ZBTB38: variants seen among roughly 807,000 people sequenced by gnomAD.
The protein encoded by ZBTB38 is zinc finger and BTB domain-containing protein 38.
In ZBTB38, 20 loss-of-function variants were observed where a neutral mutation model predicts 76.8. The observed-to-expected ratio is 0.26, with a 90% confidence interval of 0.18 to 0.38. The LOEUF (loss-of-function observed/expected upper bound fraction) is 0.38. Among genes scored for constraint, ZBTB38 ranks in the 10% least tolerant of loss-of-function variants. The pLI, the probability that ZBTB38 is intolerant of heterozygous loss-of-function variation, is 1.00. For missense variants in ZBTB38, 1,082 were observed against 1,482.3 expected (o/e 0.73, Z 4.43); for synonymous variants, 504 against 544.2 (o/e 0.93, Z 1.03).
chr3:141,396,540 G>C, intron 4 of ZBTB38: 1 of 177,474 alleles, frequency 5.6e-6, no homozygotes, highest in Non-Finnish European at 1.2e-5. Flanking sequence ...CATTAATCAT[G>C]AATGTTCTTA....
chr3:141,408,705 TTA>T (rs1397146840), intron 5 of ZBTB38, among the ~76,000 whole-genome samples: 1 of 152,230 alleles, frequency 6.6e-6, no homozygotes, highest in African/African-American at 2.4e-5. Context: ...GAATTGCTCT[TTA>T]TGTTCTCTAT....
intron 5 of ZBTB38, among the ~76,000 whole-genome samples, chr3:141,440,344 A>G (rs1577501216): frequency 2.0e-5 from 3 of 152,362 alleles, no homozygotes; most frequent in Admixed American, 2.0e-4. Flanking sequence ...GACTGGATAC[A>G]ATAAAAGAAT....
At chr3:141,340,977 A>G (rs1296001101) in intron 1 of ZBTB38, among the ~76,000 whole-genome samples, 40 of 126,130 alleles carry the variant, frequency 3.2e-4, no homozygotes, top group Non-Finnish European at 3.8e-4. Context: ...AAAGAAAGAA[A>G]GAAAGAAAGA....
intron 1 of ZBTB38, among the ~76,000 whole-genome samples, chr3:141,338,663 G>A (rs1230837755): frequency 6.6e-6 from 1 of 152,182 alleles, no homozygotes; most frequent in Non-Finnish European, 1.5e-5. Flanking sequence ...GGTAGGAGAA[G>A]GGTGAGGGTC....
At chr3:141,338,430 G>A (rs1020272310) in intron 1 of ZBTB38, among the ~76,000 whole-genome samples, 2 of 152,362 alleles carry the variant, frequency 1.3e-5, no homozygotes, top group African/African-American at 2.4e-5. Flanking sequence ...TAAAGAAAAT[G>A]TGGTACATAG....
chr3:141,356,514 T>A (rs968290730), intron 1 of ZBTB38, among the ~76,000 whole-genome samples: 1 of 152,108 alleles, frequency 6.6e-6, no homozygotes, highest in African/African-American at 2.4e-5. Context: ...ACTGACACAA[T>A]TCTGTACTAC....
At chr3:141,421,906 C>G (rs1197784951) in intron 5 of ZBTB38, among the ~76,000 whole-genome samples, 2 of 152,214 alleles carry the variant, frequency 1.3e-5, no homozygotes, top group Non-Finnish European at 2.9e-5. Flanking sequence ...GACCCAGGAG[C>G]ATTTCCTTGA....
At chr3:141,381,676 G>A (rs1032018408) in intron 3 of ZBTB38, among the ~76,000 whole-genome samples, 189 bp downstream of exon 3, 2 of 152,208 alleles carry the variant, frequency 1.3e-5, no homozygotes, top group Non-Finnish European at 2.9e-5. Context: ...GTAGGGTGGA[G>A]CTGGTGGATT....
intron 2 of ZBTB38, among the ~76,000 whole-genome samples, chr3:141,371,201 C>T (rs566091077): frequency 6.6e-6 from 1 of 151,670 alleles, no homozygotes; most frequent in Non-Finnish European, 1.5e-5. Flanking sequence ...TGCAGGCACG[C>T]ACCACCACAC....
intron 1 of ZBTB38, among the ~76,000 whole-genome samples, chr3:141,345,019 G>A (rs1943306066): frequency 6.6e-6 from 1 of 152,174 alleles, no homozygotes; most frequent in Non-Finnish European, 1.5e-5. Flanking sequence ...TCCTGAGAGG[G>A]GAGGCAGGCC....
rs1312210181 is a variant in ZBTB38 at position 141,368,550 on chromosome 3, G to A, written c.-564G>A. ...GCTGCAGCAAATCTCAAAATAAAGA[G>A]GCAACGGCCTTTCTCTTCCTCTCCA... is the stretch of plus-strand genomic sequence containing the variant. On this transcript the variant is annotated 5_prime_UTR_variant, in exon 1 of 6. Coordinates refer to ENST00000321464, the MANE Select transcript of ZBTB38 (RefSeq NM_001376113.1). The A allele has an allele frequency of 2.0e-5, 3 of 152,154 alleles. No individual in the cohort carries two copies. The highest frequency in any genetic ancestry group is 2.9e-5 in the Non-Finnish European group (2 of 68,048). 9.4% of individuals were successfully genotyped at this position (152,154 alleles called of 1,614,324 possible).
At chr3:141,440,336 CTG>C (rs2079843435) in intron 5 of ZBTB38, among the ~76,000 whole-genome samples, 1 of 152,142 alleles carries the variant, frequency 6.6e-6, no homozygotes, top group Non-Finnish European at 1.5e-5. Flanking sequence ...TTTCCTATGA[CTG>C]GATACAATAA....
At position 141,448,141 on chromosome 3, in the gene ZBTB38, T is replaced by C. The variant is rs1427100473; in HGVS notation, c.*2165T>C. 6.6e-6 allele frequency: 1 copy of C among 152,620 alleles called. No individual in the cohort carries two copies. Among genetic ancestry groups the C allele is most frequent in the Non-Finnish European group, 1.5e-5 (1 of 68,020 alleles). The allele number at this position is 152,620 out of a possible 1,614,324, so 9.5% of individuals were successfully genotyped here. On this transcript the variant is annotated 3_prime_UTR_variant, in exon 6 of 6. Transcript: ENST00000321464. ...ACTGTATATTCTAGTCATTTTGATTTGAGTTAACCCCAAATATAAAATTAC... is the reference window on the plus strand; with the variant it reads ...ACTGTATATTCTAGTCATTTTGATTCGAGTTAACCCCAAATATAAAATTAC...
chr3:141,351,628 G>C (rs575986577), intron 1 of ZBTB38, among the ~76,000 whole-genome samples: 6 of 151,458 alleles, frequency 4.0e-5, no homozygotes, highest in Admixed American at 3.3e-4. Context: ...AGTTACGTGG[G>C]AGACTGAGGC....
At chr3:141,377,230 C>T (rs1945507195) in intron 2 of ZBTB38, among the ~76,000 whole-genome samples, 1 of 152,228 alleles carries the variant, frequency 6.6e-6, no homozygotes, top group African/African-American at 2.4e-5. Flanking sequence ...AGACTCAGCC[C>T]CCCCATCCAG....
chr3:141,324,366 G>A (rs1018719146), exon 1 of ZBTB38: 1 of 152,178 alleles, frequency 6.6e-6, no homozygotes, highest in Admixed American at 6.5e-5. Flanking sequence ...AGAGGAAGAA[G>A]AATGCCCTTT....
At chr3:141,353,149 G>A (rs1038378422) in intron 1 of ZBTB38, among the ~76,000 whole-genome samples, 5 of 151,908 alleles carry the variant, frequency 3.3e-5, no homozygotes, top group African/African-American at 4.8e-5. Flanking sequence ...GTTCACCAGG[G>A]GTGTTTAAGC....
chr3:141,420,895 CAATT>C (rs1313379999), intron 5 of ZBTB38, among the ~76,000 whole-genome samples: 1 of 149,224 alleles, frequency 6.7e-6, no homozygotes, highest in Non-Finnish European at 1.5e-5. Flanking sequence ...AAAACAAACA[CAATT>C]AAGTTTAACC....
At chr3:141,382,248 G>C (rs1003448432) in intron 3 of ZBTB38, among the ~76,000 whole-genome samples, 1 of 152,110 alleles carries the variant, frequency 6.6e-6, no homozygotes, top group Non-Finnish European at 1.5e-5. Context: ...AAACAAAAGA[G>C]AACAGGCTAC....
Sources: allele counts gnomAD v4.1 joint callset (sites outside exome capture counted in the v4.1 genomes callset), GRCh38; gene constraint gnomAD v4.1.1; transcripts MANE v1.5; gene names NCBI Gene and HGNC (gene_info 2026-07-23, HGNC 2026-07-21).